Variants in UPP2 observed in about 807,000 individuals in gnomAD.
The protein encoded by UPP2 is UPase 2.
A neutral mutation model predicts 26.7 loss-of-function variants in UPP2; 23 were observed. The ratio of observed to expected loss-of-function variants is 0.86; its 90% CI spans 0.62 to 1.22. UPP2 has a LOEUF of 1.22. Ranked by LOEUF, UPP2 falls within the 50% of genes most tolerant of loss-of-function variation. The probability of loss-of-function intolerance (pLI) is 0.00; values close to 1 mark genes in which losing one functional copy is unlikely to be tolerated. For synonymous variants in UPP2, 127 were observed against 141.3 expected, an observed-to-expected ratio of 0.90 and a Z score of 0.72; for missense variants, 387 against 396.7, an observed-to-expected ratio of 0.98 and a Z score of 0.21.
At chr2:158,128,580 G>C (rs1400228869) in intron 6 of UPP2, among the ~76,000 whole-genome samples, 1 of 152,156 alleles carries the variant, frequency 6.6e-6, no homozygotes, top group East Asian at 1.9e-4. Context: ...TGTAGCTCAG[G>C]GAGGTTAAAT....
intron 4 of UPP2, among the ~76,000 whole-genome samples, 199 bp from the exon 5 acceptor site, chr2:158,121,209 AT>A (rs1452022214): frequency 2.6e-5 from 4 of 151,994 alleles, no homozygotes. Flanking sequence ...CACATTGTAA[AT>A]GTGCATTTGA....
At chr2:158,122,984 A>G (rs75759978) in intron 5 of UPP2, among the ~76,000 whole-genome samples, 2,497 of 152,292 alleles carry the variant, frequency 0.016, 38 homozygotes, top group Non-Finnish European at 0.025. Context: ...AGGAAAGAGC[A>G]CCAAAAAGGG....
chr2:158,012,693 AATTT>A (rs1246229567), intron 2 of UPP2, among the ~76,000 whole-genome samples: 5 of 152,158 alleles, frequency 3.3e-5, no homozygotes, highest in African/African-American at 7.2e-5. Flanking sequence ...TTTTATTATA[AATTT>A]ATTTATTTCC....
intron 3 of UPP2, among the ~76,000 whole-genome samples, chr2:158,026,005 G>A (rs1172124700): frequency 1.3e-5 from 2 of 152,128 alleles, no homozygotes; most frequent in Non-Finnish European, 2.9e-5. Context: ...AGGCCACCAG[G>A]ACATAAGAGG....
At chr2:158,064,475 A>G (rs890486333) in intron 3 of UPP2, among the ~76,000 whole-genome samples, 1 of 150,306 alleles carries the variant, frequency 6.7e-6, no homozygotes, top group Non-Finnish European at 1.5e-5. Flanking sequence ...TTCTTTGTAG[A>G]TTGTGGATAT....
At chr2:158,117,330 G>A (rs757637688) in intron 3 of UPP2, among the ~76,000 whole-genome samples, 27 of 151,944 alleles carry the variant, frequency 1.8e-4, no homozygotes, top group African/African-American at 2.2e-4. Context: ...TCTAACCCAC[G>A]TTTCTACTCT....
At chr2:158,076,913 G>T (rs916990427) in intron 3 of UPP2, among the ~76,000 whole-genome samples, 1 of 151,970 alleles carries the variant, frequency 6.6e-6, no homozygotes, top group South Asian at 2.1e-4. Flanking sequence ...TCTTATATTT[G>T]GAAAAACCTA....
intron 3 of UPP2, among the ~76,000 whole-genome samples, chr2:158,058,373 GCTCTCTCTCTCTCTCT>G (rs869246675): frequency 2.7e-5 from 1 of 37,604 alleles, no homozygotes; most frequent in South Asian, 6.3e-4. Flanking sequence ...ATGCTTGTAT[GCTCTCTCTCTCTCTCT>G]CTCTCTCTCT....
intron 2 of UPP2, among the ~76,000 whole-genome samples, chr2:158,106,872 T>C (rs1313338526): frequency 2.0e-5 from 3 of 152,166 alleles, no homozygotes; most frequent in African/African-American, 7.2e-5. Context: ...CATGATCAAC[T>C]CATTTTTTTC....
intron 3 of UPP2, among the ~76,000 whole-genome samples, chr2:158,054,632 T>C (rs1457655353): frequency 6.6e-6 from 1 of 152,164 alleles, no homozygotes; most frequent in Non-Finnish European, 1.5e-5. Flanking sequence ...TACTAAGGGC[T>C]TGCTGGGAGA....
intron 6 of UPP2, among the ~76,000 whole-genome samples, chr2:158,132,160 T>C (rs193230703): frequency 6.6e-6 from 1 of 152,386 alleles, no homozygotes; most frequent in Admixed American, 6.5e-5. Flanking sequence ...TACAGCCAAG[T>C]TGCTTTACAA....
chr2:158,065,840 T>C (rs1682425902), intron 3 of UPP2: 1 of 677,498 alleles, frequency 1.5e-6, no homozygotes, highest in Middle Eastern at 4.1e-4. Context: ...CTCATTGTTG[T>C]ACTGCTGTTC....
At chr2:158,083,668 A>G (rs1189637501) in intron 3 of UPP2, among the ~76,000 whole-genome samples, 1 of 151,930 alleles carries the variant, frequency 6.6e-6, no homozygotes, top group African/African-American at 2.4e-5. Flanking sequence ...ACAAACCTGT[A>G]GGTTCTGTGC....
At chr2:158,039,192 C>T (rs1684049610) in intron 3 of UPP2, among the ~76,000 whole-genome samples, 1 of 152,126 alleles carries the variant, frequency 6.6e-6, no homozygotes, top group South Asian at 2.1e-4. Context: ...TACCCTAGGT[C>T]AGCTTTCTTA....
In UPP2 at chr2:157,998,738, G is replaced by A. The variant is rs555637386; in HGVS notation, c.61+3479G>A. 2.9e-3 allele frequency among the ~76,000 whole-genome samples: 436 copies of A among 152,286 alleles called. 2 individuals carry two copies. The highest frequency in any genetic ancestry group is 5.0e-3 in the Admixed American group (77 of 15,296). ...GAATCACTTGAACCCAGGAGGTGGA[G>A]GTTGCAGTGAGCCGAGATTGCACCG... On this transcript the variant is annotated intron_variant, in intron 2 of 9. Coordinates refer to the UPP2 transcript ENST00000605860.
At chr2:158,030,027 A>G (rs556260374) in intron 3 of UPP2, among the ~76,000 whole-genome samples, 1 of 152,302 alleles carries the variant, frequency 6.6e-6, no homozygotes, top group East Asian at 1.9e-4. Flanking sequence ...TGTATTGTCA[A>G]CTTATAGAAT....
intron 3 of UPP2, among the ~76,000 whole-genome samples, chr2:158,087,425 G>A (rs550791433): frequency 1.3e-5 from 2 of 152,070 alleles, no homozygotes; most frequent in African/African-American, 4.8e-5. Context: ...TCCTTGGTTG[G>A]TGAATTCTCC....
intron 3 of UPP2, among the ~76,000 whole-genome samples, chr2:158,038,532 A>C (rs1485428881): frequency 6.6e-6 from 1 of 152,268 alleles, no homozygotes; most frequent in Non-Finnish European, 1.5e-5. Context: ...AACAGTAGAC[A>C]GACAGCTAAT....
At chr2:158,036,511 GA>G (rs1183420677) in intron 3 of UPP2, among the ~76,000 whole-genome samples, 1 of 152,214 alleles carries the variant, frequency 6.6e-6, no homozygotes, top group African/African-American at 2.4e-5. Flanking sequence ...CATGAAAGAT[GA>G]AAGCTATTTT....
Sources: gnomAD v4.1 joint callset for allele counts (sites outside exome capture counted in the v4.1 genomes callset) on GRCh38, gnomAD v4.1.1 for gene constraint, MANE v1.5 for transcripts, NCBI Gene and HGNC (gene_info 2026-07-23, HGNC 2026-07-21) for gene names.